The following ATP8A2 variants were observed in gnomAD, a reference collection of about 807,000 sequenced individuals.
The protein encoded by ATP8A2 is phospholipid-transporting ATPase IB.
In ATP8A2, 100 loss-of-function variants were observed where a neutral mutation model predicts 165.6. That is an observed-to-expected ratio of 0.60 (90% CI 0.51 to 0.71). The LOEUF is 0.71. ATP8A2 is among the 30% of genes least tolerant of loss of function. The probability of loss-of-function intolerance (pLI) is 0.00; values close to 1 mark genes in which losing one functional copy is unlikely to be tolerated. For synonymous variants in ATP8A2, 543 were observed against 548.8 expected (o/e 0.99, Z 0.15); for missense variants, 1,227 against 1,479.5 (o/e 0.83, Z 2.80).
At chr13:25,626,928 G>A (rs1035764002) in intron 24 of ATP8A2, among the ~76,000 whole-genome samples, 3 of 152,098 alleles carry the variant, frequency 2.0e-5, no homozygotes, top group African/African-American at 4.8e-5. Flanking sequence ...AGCAGATCTC[G>A]TGTTACTTAT....
intron 24 of ATP8A2, among the ~76,000 whole-genome samples, chr13:25,686,316 C>T (rs1214753885): frequency 1.3e-5 from 2 of 152,162 alleles, no homozygotes; most frequent in African/African-American, 2.4e-5. Context: ...GAACATGATG[C>T]AGTGCTCCAA....
At chr13:25,513,872 A>G (rs910195226) in intron 2 of ATP8A2, among the ~76,000 whole-genome samples, 1 of 151,986 alleles carries the variant, frequency 6.6e-6, no homozygotes, top group Non-Finnish European at 1.5e-5. Context: ...CAGGACAATC[A>G]GTCAAGGAGG....
At chr13:25,389,983 C>CTTTTGTTTTGTTTTGTTTTG (rs59233777) in intron 1 of ATP8A2, among the ~76,000 whole-genome samples, 15 of 151,144 alleles carry the variant, frequency 9.9e-5, no homozygotes, top group African/African-American at 2.7e-4. Flanking sequence ...AATTTTTTGC[C>CTTTTGTTTTGTTTTGTTTTG]TTTTGTTTTG....
intron 33 of ATP8A2, among the ~76,000 whole-genome samples, chr13:25,920,100 G>T (rs1235216336): frequency 6.6e-6 from 1 of 152,128 alleles, no homozygotes; most frequent in Non-Finnish European, 1.5e-5. Flanking sequence ...GTTTTGTCTT[G>T]AACTCACTTC....
chr13:26,015,133 CA>C (rs962532520), intron 36 of ATP8A2, among the ~76,000 whole-genome samples: 3 of 150,648 alleles, frequency 2.0e-5, no homozygotes, highest in African/African-American at 4.9e-5. Flanking sequence ...TTTTGAAGGC[CA>C]AAAAAAAATC....
intron 24 of ATP8A2, among the ~76,000 whole-genome samples, chr13:25,695,281 C>T (rs769537507): frequency 1.5e-4 from 23 of 152,180 alleles, no homozygotes; most frequent in African/African-American, 5.1e-4. Flanking sequence ...CGCTAACAAT[C>T]GCCTAAGCCT....
intron 1 of ATP8A2, among the ~76,000 whole-genome samples, chr13:25,444,832 G>A (rs1375554689): frequency 6.6e-6 from 1 of 152,064 alleles, no homozygotes. Context: ...TTTTAGTTAA[G>A]ATGGGGTTTC....
At chr13:25,704,290 G>A (rs1412929987) in intron 25 of ATP8A2, among the ~76,000 whole-genome samples, 1 of 150,972 alleles carries the variant, frequency 6.6e-6, no homozygotes, top group Non-Finnish European at 1.5e-5. Context: ...GTCCAGCGTG[G>A]CCCCTCACTT....
chr13:25,590,476 C>A (rs962730940), intron 24 of ATP8A2, among the ~76,000 whole-genome samples: 60 of 152,280 alleles, frequency 3.9e-4, no homozygotes, highest in African/African-American at 1.3e-3. Context: ...ATACTTAATT[C>A]TCTGATGTCC....
At chr13:25,835,368 G>A (rs1451674075) in intron 28 of ATP8A2, among the ~76,000 whole-genome samples, 1 of 152,050 alleles carries the variant, frequency 6.6e-6, no homozygotes, top group Non-Finnish European at 1.5e-5. Flanking sequence ...ATTCTGCTGT[G>A]GACTGAAGGA....
At chr13:25,443,018 A>G (rs2034974421) in intron 1 of ATP8A2, among the ~76,000 whole-genome samples, 5 of 152,168 alleles carry the variant, frequency 3.3e-5, no homozygotes, top group Admixed American at 3.3e-4. Context: ...TGTTTATAGT[A>G]TTAATAGTTG....
At chr13:25,934,581 C>T (rs1163039639) in intron 33 of ATP8A2, among the ~76,000 whole-genome samples, 1 of 152,114 alleles carries the variant, frequency 6.6e-6, no homozygotes, top group Non-Finnish European at 1.5e-5. Flanking sequence ...GGTAAGGCCA[C>T]CATATGTATT....
At chr13:25,562,343 T>G (rs910353184) in intron 15 of ATP8A2, among the ~76,000 whole-genome samples, 1 of 152,198 alleles carries the variant, frequency 6.6e-6, no homozygotes, top group Non-Finnish European at 1.5e-5. Flanking sequence ...AAGTGGTACC[T>G]TATCATAGTT....
At chr13:25,773,860 G>T (rs1262779582) in intron 26 of ATP8A2, among the ~76,000 whole-genome samples, 1 of 152,088 alleles carries the variant, frequency 6.6e-6, no homozygotes, top group Non-Finnish European at 1.5e-5. Context: ...TGCCTGTTAT[G>T]TGTCTCTGTG....
At chr13:25,570,165 G>A (rs752641697) in intron 16 of ATP8A2, among the ~76,000 whole-genome samples, 2 of 152,174 alleles carry the variant, frequency 1.3e-5, no homozygotes, top group South Asian at 4.1e-4. Context: ...TGCTTTACAG[G>A]TGTTGAGAGA....
chr13:25,407,707 T>G (rs2033846035), intron 1 of ATP8A2, among the ~76,000 whole-genome samples: 1 of 152,192 alleles, frequency 6.6e-6, no homozygotes, highest in African/African-American at 2.4e-5. Context: ...TGGAAAGACC[T>G]AGAAGAAAGT....
chr13:26,006,600 G>C (rs539754275), intron 35 of ATP8A2, among the ~76,000 whole-genome samples: 1 of 152,086 alleles, frequency 6.6e-6, no homozygotes, highest in Admixed American at 6.6e-5. Context: ...AACATGGAAA[G>C]ATGGCTTTCA....
chr13:25,995,305 G>A (rs1956474103), intron 35 of ATP8A2, among the ~76,000 whole-genome samples: 1 of 149,608 alleles, frequency 6.7e-6, no homozygotes, highest in Non-Finnish European at 1.5e-5. Context: ...TTGTTTCTCT[G>A]TTTTTAACCT....
intron 30 of ATP8A2, among the ~76,000 whole-genome samples, chr13:25,858,108 G>A (rs900150631): frequency 6.6e-6 from 1 of 152,070 alleles, no homozygotes; most frequent in South Asian, 2.1e-4. Flanking sequence ...CAAAGAGATG[G>A]TCTCCATACT....
Sources: gnomAD v4.1 joint callset for allele counts (sites outside exome capture counted in the v4.1 genomes callset) on GRCh38, gnomAD v4.1.1 for gene constraint, MANE v1.5 for transcripts, NCBI Gene and HGNC (gene_info 2026-07-23, HGNC 2026-07-21) for gene names.